CCDC171: variants seen among roughly 807,000 people sequenced by gnomAD.
CCDC171 encodes the protein coiled-coil domain containing 171.
A neutral mutation model predicts 168.2 loss-of-function variants in CCDC171; 177 were observed. The observed-to-expected ratio is 1.05, with a 90% CI of 0.93 to 1.19. The LOEUF is 1.19. Ranked by LOEUF, CCDC171 falls within the 50% of genes most tolerant of loss-of-function variation. CCDC171 has a pLI of 0.00. For synonymous variants in CCDC171, 687 were observed against 540.8 expected (o/e 1.27, Z -3.75); for missense variants, 1,991 against 1,539.0 (o/e 1.29, Z -4.91).
Position 15,591,459 on chromosome 9 carries a change from A to G in CCDC171, c.446A>G (p.Glu149Gly), listed in dbSNP as rs1403671849. 5.6e-6 allele frequency: 9 copies of G among 1,608,810 alleles called. No homozygotes were observed. The highest frequency in any genetic ancestry group is 7.6e-6 in the Non-Finnish European group (9 of 1,177,156). The change falls in exon 5 of 26, where the codon GAA (glutamate) becomes GGA (glycine). Residue 149 changes from glutamate (E) to glycine (G), a missense_variant. By Grantham distance (98) the Glu-to-Gly change is moderately conservative. Transcript: ENST00000380701. ...TGGAAAGAAGAATGCAGAAGATTTG[A>G]ACATGATTTGGAGGAAAGAGACAAT... is the stretch of plus-strand genomic sequence containing the variant. ...QKWKEECRRF[E>G]HDLEERDNMI...
chr9:15,676,847 A>G (rs1181169536), intron 9 of CCDC171, among the ~76,000 whole-genome samples: 3 of 152,164 alleles, frequency 2.0e-5, no homozygotes, highest in African/African-American at 4.8e-5. Context: ...TATGTAGTCC[A>G]CGTTTTCCTC....
intron 1 of CCDC171, among the ~76,000 whole-genome samples, chr9:16,053,577 TCTC>T (rs1833785666): frequency 1.3e-5 from 2 of 152,340 alleles, no homozygotes; most frequent in East Asian, 3.9e-4. Flanking sequence ...TTTTCTCTCA[TCTC>T]CTGCTCCCGT....
chr9:16,082,636 A>G, the CCDC171 span, among the ~76,000 whole-genome samples: 8 of 152,338 alleles, frequency 5.3e-5, no homozygotes, highest in South Asian at 1.7e-3. Context: ...CAAAATTTAT[A>G]TATCTGTGGA....
chr9:16,013,883 C>T (rs1270125791), intron 3 of CCDC171, among the ~76,000 whole-genome samples: 1 of 152,144 alleles, frequency 6.6e-6, no homozygotes, highest in African/African-American at 2.4e-5. Context: ...ATCATCTGAG[C>T]CTTCAGCTTG....
chr9:15,631,868 A>G (rs1176709644), intron 7 of CCDC171, among the ~76,000 whole-genome samples: 1 of 152,212 alleles, frequency 6.6e-6, no homozygotes, highest in Non-Finnish European at 1.5e-5. Context: ...GTTTCAATAT[A>G]TGCAAATCAA....
intron 19 of CCDC171, 71 bp downstream of exon 19, chr9:15,777,897 A>G: frequency 9.9e-7 from 1 of 1,014,306 alleles, no homozygotes; most frequent in Non-Finnish European, 1.4e-6. Context: ...CCTAATTTGT[A>G]GTTTAAATTA....
chr9:15,786,107 C>T (rs7874094), intron 21 of CCDC171, among the ~76,000 whole-genome samples: 143,181 of 152,192 alleles, frequency 0.94, 67,424 homozygotes, highest in East Asian at 1. Context: ...TTTCCAAATA[C>T]ATGTATTAAA....
At chr9:15,842,156 T>C (rs1233689478) in intron 21 of CCDC171, among the ~76,000 whole-genome samples, 2 of 152,074 alleles carry the variant, frequency 1.3e-5, no homozygotes, top group African/African-American at 4.8e-5. Context: ...ACTAACTTTT[T>C]ATACCAAATT....
intron 24 of CCDC171, among the ~76,000 whole-genome samples, chr9:15,905,149 A>C (rs1442028445): frequency 6.6e-6 from 1 of 152,228 alleles, no homozygotes; most frequent in African/African-American, 2.4e-5. Context: ...CAGGAATTGA[A>C]CTCAGCTCTG....
chr9:15,594,356 G>A (rs114197476), intron 6 of CCDC171, among the ~76,000 whole-genome samples, 184 bp downstream of exon 6: 1,947 of 152,160 alleles, frequency 0.013, 40 homozygotes, highest in African/African-American at 0.043. Flanking sequence ...TACCATTAGT[G>A]TTTAGAGTTC....
intron 24 of CCDC171, among the ~76,000 whole-genome samples, chr9:15,912,766 G>A (rs58733837): frequency 2.7e-4 from 41 of 152,106 alleles, no homozygotes; most frequent in African/African-American, 7.9e-4. Context: ...TAATTTTATT[G>A]AAGGCCTTTT....
chr9:15,615,827 G>A (rs886072266), intron 6 of CCDC171, among the ~76,000 whole-genome samples: 5 of 150,984 alleles, frequency 3.3e-5, no homozygotes, highest in Middle Eastern at 6.3e-3. Context: ...CACCCAGGCT[G>A]GAGTGCAGTG....
chr9:15,586,227 T>C (rs1289356578), intron 4 of CCDC171, among the ~76,000 whole-genome samples: 3 of 152,172 alleles, frequency 2.0e-5, no homozygotes, highest in Admixed American at 6.6e-5. Flanking sequence ...AAAGCAAATA[T>C]GGCAAAATGT....
chr9:15,792,964 C>T (rs552356357), intron 21 of CCDC171, among the ~76,000 whole-genome samples: 1 of 152,316 alleles, frequency 6.6e-6, no homozygotes, highest in African/African-American at 2.4e-5. Context: ...AACAAATTCA[C>T]ACATAACAAT....
At chr9:15,822,849 G>C (rs2059848137) in intron 21 of CCDC171, among the ~76,000 whole-genome samples, 1 of 152,084 alleles carries the variant, frequency 6.6e-6, no homozygotes, top group Non-Finnish European at 1.5e-5. Flanking sequence ...ATACCCAAAG[G>C]ATTATAAATC....
At chr9:15,575,222 A>C (rs555515334) in intron 3 of CCDC171, among the ~76,000 whole-genome samples, 1 of 139,874 alleles carries the variant, frequency 7.1e-6, no homozygotes, top group Non-Finnish European at 1.5e-5. Context: ...TTGGAGTGCA[A>C]TGGTGTGATC....
chr9:15,881,320 T>C (rs1458963488), intron 24 of CCDC171, among the ~76,000 whole-genome samples: 1 of 152,184 alleles, frequency 6.6e-6, no homozygotes. Context: ...ATTTTTCTCT[T>C]TTTGTTTCTT....
At chr9:15,576,949 G>T (rs938393338) in intron 3 of CCDC171, among the ~76,000 whole-genome samples, 1 of 152,214 alleles carries the variant, frequency 6.6e-6, no homozygotes, top group African/African-American at 2.4e-5. Context: ...AGCAAGGAAA[G>T]GCTGGTTACC....
chr9:15,783,084 A>G (rs1295859720), intron 20 of CCDC171, among the ~76,000 whole-genome samples: 2 of 152,332 alleles, frequency 1.3e-5, no homozygotes, highest in East Asian at 3.9e-4. Context: ...CCTTAAAAAG[A>G]GAAATGAGTT....
Sources: allele counts gnomAD v4.1 joint callset (sites outside exome capture counted in the v4.1 genomes callset), GRCh38; gene constraint gnomAD v4.1.1; transcripts MANE v1.5; gene names NCBI Gene and HGNC (gene_info 2026-07-23, HGNC 2026-07-21).